EXOC4: variants seen among roughly 807,000 people sequenced by gnomAD.
The protein encoded by EXOC4 is exocyst complex component 4.
In EXOC4, 71 loss-of-function variants were observed where a neutral mutation model predicts 107.2. The ratio of observed to expected loss-of-function variants is 0.66; its 90% CI spans 0.55 to 0.81. The LOEUF is 0.81. EXOC4 is among the 30% of genes least tolerant of loss of function. EXOC4 has a pLI of 0.00. For missense variants in EXOC4, 1,108 were observed against 1,189.6 expected, an observed-to-expected ratio of 0.93 and a Z score of 1.01; for synonymous variants, 456 against 441.2, an observed-to-expected ratio of 1.03 and a Z score of -0.42.
chr7:134,093,367 G>C, the EXOC4 span, among the ~76,000 whole-genome samples: 2 of 152,144 alleles, frequency 1.3e-5, no homozygotes, highest in Non-Finnish European at 2.9e-5. Flanking sequence ...TCAACAAGAA[G>C]ACTTAATTAT....
intron 10 of EXOC4, among the ~76,000 whole-genome samples, chr7:133,763,348 C>T (rs192593385): frequency 2.6e-5 from 4 of 152,112 alleles, no homozygotes; most frequent in African/African-American, 7.2e-5. Context: ...GTATCCCTTT[C>T]ACCTAGCACA....
chr7:133,350,816 C>T (rs572350365), intron 5 of EXOC4, among the ~76,000 whole-genome samples: 4 of 151,992 alleles, frequency 2.6e-5, no homozygotes, highest in African/African-American at 7.2e-5. Context: ...TCTTCCAGTC[C>T]GTGCACATGG....
chr7:133,256,950 A>G lies in EXOC4; in HGVS notation c.86+3763A>G, dbSNP rs1795032521. ...AAGCATTTAAAAGCCAAAAATAAAG[A>G]TGAAGTATAGTGTAATTGTAATGCA... On this transcript the variant is annotated intron_variant, in intron 1 of 17. Coordinates refer to ENST00000253861, the MANE Select transcript of EXOC4 (RefSeq NM_021807.4). 3.3e-5 allele frequency among the ~76,000 whole-genome samples: 5 copies of G among 152,266 alleles called. No individual in the cohort carries two copies. The South Asian group carries it at 1.0e-3, about 31-fold the overall frequency.
intron 7 of EXOC4, among the ~76,000 whole-genome samples, chr7:133,453,602 T>C (rs941015012): frequency 2.6e-5 from 4 of 152,168 alleles, no homozygotes; most frequent in Non-Finnish European, 5.9e-5. Context: ...TTTTTCCTAT[T>C]GTATCTACTT....
intron 7 of EXOC4, among the ~76,000 whole-genome samples, chr7:133,467,970 G>A (rs986505217): frequency 1.8e-4 from 27 of 151,922 alleles, no homozygotes; most frequent in African/African-American, 5.8e-4. Flanking sequence ...AATACACTGA[G>A]GGAAGGACTT....
At chr7:133,331,218 A>T (rs1304823872) in intron 5 of EXOC4, among the ~76,000 whole-genome samples, 1 of 152,046 alleles carries the variant, frequency 6.6e-6, no homozygotes, top group Middle Eastern at 3.2e-3. Flanking sequence ...GAAATGACAT[A>T]ATAAAGAACT....
downstream of EXOC4, among the ~76,000 whole-genome samples, chr7:134,069,831 T>C (rs1796248202): frequency 6.6e-6 from 1 of 152,304 alleles, no homozygotes; most frequent in South Asian, 2.1e-4. Context: ...ATGAATGGAC[T>C]GAGGCCATTG....
At chr7:133,889,306 C>A (rs903461563) in intron 11 of EXOC4, among the ~76,000 whole-genome samples, 3 of 151,348 alleles carry the variant, frequency 2.0e-5, no homozygotes, top group African/African-American at 4.9e-5. Context: ...AAAACTTGCT[C>A]AGGTCTTGGG....
rs560965128 is a variant in EXOC4 at position 134,003,008 on chromosome 7, G to A, written c.2349-1904G>A. On this transcript the variant is annotated intron_variant, in intron 15 of 17. Coordinates refer to ENST00000253861, the MANE Select transcript of EXOC4 (RefSeq NM_021807.4). ...AAGAGAAATAAATGCAAAGTTATAT[G>A]CACACAAAAATGTGTACATGAAGTA... Among the ~76,000 whole-genome samples, 21 of 152,214 alleles carry A rather than the reference G, an allele frequency of 1.4e-4. No individual in the cohort carries two copies. In the South Asian group the frequency reaches 4.1e-3, roughly 30 times the overall value.
intron 11 of EXOC4, among the ~76,000 whole-genome samples, chr7:133,848,573 AT>A (rs1798180896): frequency 6.6e-6 from 1 of 152,196 alleles, no homozygotes; most frequent in Non-Finnish European, 1.5e-5. Context: ...TGGTCTAGTT[AT>A]TGTCCCTGAA....
intron 9 of EXOC4, among the ~76,000 whole-genome samples, chr7:133,575,192 A>T (rs927611673): frequency 6.6e-6 from 1 of 152,056 alleles, no homozygotes; most frequent in African/African-American, 2.4e-5. Flanking sequence ...TTGCTACCAC[A>T]TTGTCCGAGT....
At chr7:133,882,436 T>C (rs1211205730) in intron 11 of EXOC4, among the ~76,000 whole-genome samples, 1 of 152,200 alleles carries the variant, frequency 6.6e-6, no homozygotes, top group Non-Finnish European at 1.5e-5. Flanking sequence ...GAAATATTTA[T>C]TGAGTACCTG....
At chr7:134,028,849 TTC>T (rs1795204885) in intron 17 of EXOC4, among the ~76,000 whole-genome samples, 1 of 152,222 alleles carries the variant, frequency 6.6e-6, no homozygotes, top group Admixed American at 6.5e-5. Flanking sequence ...ACACGTAATC[TTC>T]TTTTTCTCAC....
intron 10 of EXOC4, among the ~76,000 whole-genome samples, chr7:133,676,008 C>A (rs914071715): frequency 1.3e-5 from 2 of 152,054 alleles, no homozygotes; most frequent in Non-Finnish European, 2.9e-5. Context: ...GCAATGTCGT[C>A]TGCTTCATGA....
chr7:133,267,872 CAT>C (rs1316482221), intron 1 of EXOC4, among the ~76,000 whole-genome samples: 1 of 152,122 alleles, frequency 6.6e-6, no homozygotes, highest in Non-Finnish European at 1.5e-5. Flanking sequence ...CACTGCTGCT[CAT>C]TACTTAGCTT....
intron 14 of EXOC4, among the ~76,000 whole-genome samples, chr7:133,985,307 A>G (rs1794089513): frequency 6.6e-6 from 1 of 152,180 alleles, no homozygotes. Flanking sequence ...AAAGTTCATT[A>G]TACAAATTGG....
intron 10 of EXOC4, among the ~76,000 whole-genome samples, chr7:133,638,120 C>A (rs1458787916): frequency 6.6e-6 from 1 of 151,994 alleles, no homozygotes; most frequent in Non-Finnish European, 1.5e-5. Context: ...ATATAGAAAT[C>A]ACTTAAAGAG....
intron 12 of EXOC4, among the ~76,000 whole-genome samples, chr7:133,914,960 A>G (rs896267741): frequency 1.3e-5 from 2 of 152,258 alleles, no homozygotes; most frequent in African/African-American, 4.8e-5. Context: ...GAGATAAAGA[A>G]AAGAACAGAT....
intron 9 of EXOC4, among the ~76,000 whole-genome samples, chr7:133,542,168 C>CG (rs768697101): frequency 0.047 from 2,296 of 48,970 alleles, 28 homozygotes; most frequent in Admixed American, 0.08. Flanking sequence ...CAAATTTTAT[C>CG]TTGTGTGTGT....
Sources: allele counts gnomAD v4.1 joint callset (sites outside exome capture counted in the v4.1 genomes callset), GRCh38; gene constraint gnomAD v4.1.1; transcripts MANE v1.5; gene names NCBI Gene and HGNC (gene_info 2026-07-23, HGNC 2026-07-21).